The following PPP2R2C variants were observed in gnomAD, a reference collection of about 807,000 sequenced individuals.
PPP2R2C encodes protein phosphatase 2 regulatory subunit Bgamma.
A neutral mutation model predicts 45.3 loss-of-function variants in PPP2R2C; 10 were observed. The observed-to-expected ratio is 0.22, with a 90% CI of 0.14 to 0.37. The LOEUF (loss-of-function observed/expected upper bound fraction) is 0.37. PPP2R2C is among the 10% of genes least tolerant of loss of function. PPP2R2C has a pLI of 1.00. For missense variants in PPP2R2C, 308 were observed against 619.7 expected (o/e 0.50, Z 5.34); for synonymous variants, 257 against 245.4 (o/e 1.05, Z -0.44).
rs776848321 is a variant in PPP2R2C, at chr4:6,472,277, A to C, written c.-48T>G. ...GGGCATGCCCCGCCGCCACACACCG[A>C]TGCAATCCGCAGAGGTCGCGCCGGG... On this transcript the variant is annotated 5_prime_UTR_variant, in exon 1 of 9. Transcript: ENST00000382599. 1 of 1,609,568 alleles carries C rather than the reference A, an allele frequency of 6.2e-7. No individual in the cohort carries two copies. Among genetic ancestry groups the C allele is most frequent in the Non-Finnish European group, 8.5e-7 (1 of 1,177,856 alleles).
intron 1 of PPP2R2C, among the ~76,000 whole-genome samples, chr4:6,455,827 G>GC (rs1720995216): frequency 6.6e-6 from 1 of 151,916 alleles, no homozygotes; most frequent in East Asian, 1.9e-4. Context: ...CATGAATGTC[G>GC]CCCCCTCCCC....
At chr4:6,491,746 C>T (rs930568540) in intron 2 of PPP2R2C, among the ~76,000 whole-genome samples, 3 of 152,144 alleles carry the variant, frequency 2.0e-5, no homozygotes, top group African/African-American at 7.2e-5. Flanking sequence ...TAGAGGCATA[C>T]GGCACTTCCC....
intron 5 of PPP2R2C, chr4:6,350,660 G>T (rs1479920093): frequency 2.2e-5 from 19 of 850,074 alleles, no homozygotes; most frequent in Non-Finnish European, 2.5e-5. Flanking sequence ...GAACATTCCA[G>T]GTTCTCTCCC....
intron 1 of PPP2R2C, among the ~76,000 whole-genome samples, chr4:6,434,824 T>C (rs1719818713): frequency 6.6e-6 from 1 of 152,222 alleles, no homozygotes; most frequent in Admixed American, 6.5e-5. Context: ...GGAGTTTTCT[T>C]ATTATGAGTG....
At chr4:6,445,071 C>A (rs1012431623) in intron 1 of PPP2R2C, among the ~76,000 whole-genome samples, 5 of 152,132 alleles carry the variant, frequency 3.3e-5, no homozygotes, top group African/African-American at 1.2e-4. Context: ...TGCCTGTAGT[C>A]CCAGCTACTC....
chr4:6,344,144 A>G (rs147731174), intron 6 of PPP2R2C, among the ~76,000 whole-genome samples: 94 of 152,336 alleles, frequency 6.2e-4, no homozygotes, highest in African/African-American at 2.1e-3. Flanking sequence ...GTGGCCTGGA[A>G]GACACCATGT....
intron 1 of PPP2R2C, among the ~76,000 whole-genome samples, chr4:6,394,991 C>T (rs1452313338): frequency 6.6e-6 from 1 of 152,210 alleles, no homozygotes; most frequent in Non-Finnish European, 1.5e-5. Context: ...CCAGCAGCCC[C>T]CCTCCGCCCA....
chr4:6,392,789 A>G (rs1253778283), intron 1 of PPP2R2C, among the ~76,000 whole-genome samples: 1 of 152,222 alleles, frequency 6.6e-6, no homozygotes, highest in East Asian at 1.9e-4. Flanking sequence ...CTGTCTTTCT[A>G]GCATGGACGA....
chr4:6,458,052 A>G (rs567647617), intron 1 of PPP2R2C, among the ~76,000 whole-genome samples: 1 of 152,244 alleles, frequency 6.6e-6, no homozygotes, highest in African/African-American at 2.4e-5. Context: ...CTGGCTGCAT[A>G]TAAGAGCTTC....
At position 6,364,604 on chromosome 4, in the gene PPP2R2C, G is replaced by C. The variant is rs1209873353; in HGVS notation, c.625+7919C>G. Among the ~76,000 whole-genome samples the C allele has an allele frequency of 6.6e-6, 1 of 152,136 alleles. No individual in the cohort carries two copies. Among genetic ancestry groups the C allele is most frequent in the Non-Finnish European group, 1.5e-5 (1 of 68,024 alleles). ...CAGGCACTGCCCTAAAGGCTTCCCA[G>C]ATGTCATCGTAGCACCCAGTCCTCA... On this transcript the variant is annotated intron_variant, in intron 5 of 8. Transcript: ENST00000382599. This position sits in a 1 kb window ranked among gnomAD's most constrained non-coding sequence, Gnocchi z 5.3.
rs139620061 is a variant in PPP2R2C, at chr4:6,443,772, C to T, written c.70+28388G>A. On this transcript the variant is annotated intron_variant, in intron 1 of 8. Coordinates refer to ENST00000382599, the MANE Select transcript of PPP2R2C (RefSeq NM_020416.4). ...TCAGCAAATGTATTCCCTCCCCACC[C>T]CACCGCCCCCCCGGAGTCCTTGCAG... 2.9e-3 allele frequency among the ~76,000 whole-genome samples: 444 copies of T among 152,238 alleles called. 3 individuals are homozygous for T. The highest frequency in any genetic ancestry group is 9.8e-3 in the African/African-American group (406 of 41,540).
intron 1 of PPP2R2C, among the ~76,000 whole-genome samples, chr4:6,451,077 G>C (rs1720710749): frequency 6.6e-6 from 1 of 152,192 alleles, no homozygotes; most frequent in Non-Finnish European, 1.5e-5. Flanking sequence ...CACCCAAGCT[G>C]GTCAGGCGAT....
At chr4:6,376,451 CT>C (rs58446685) in intron 3 of PPP2R2C, among the ~76,000 whole-genome samples, 14,763 of 143,790 alleles carry the variant, frequency 0.1, 1,228 homozygotes, top group East Asian at 0.28. Context: ...AGTGACATGT[CT>C]TTTTTTTTTT....
At chr4:6,375,563 AT>A (rs2109302696) in intron 4 of PPP2R2C, among the ~76,000 whole-genome samples, 1 of 152,336 alleles carries the variant, frequency 6.6e-6, no homozygotes, top group African/African-American at 2.4e-5. Context: ...ACCCTCAGCT[AT>A]AGGTGAAAAG....
At chr4:6,413,983 C>T in intron 1 of PPP2R2C, 3 of 1,535,630 alleles carry the variant, frequency 2.0e-6, no homozygotes, top group Non-Finnish European at 2.6e-6. Flanking sequence ...CAGTTGGCTA[C>T]TGCCATGTTG....
Position 6,386,690 on chromosome 4 carries a change from T to C in PPP2R2C, c.71-5596A>G, listed in dbSNP as rs114484920. Among the ~76,000 whole-genome samples, 1,230 of 152,288 alleles carry C rather than the reference T, an allele frequency of 8.1e-3. 13 individuals carry two copies. Among genetic ancestry groups the C allele is most frequent in the Middle Eastern group, 0.048 (14 of 294 alleles). On this transcript the variant is annotated intron_variant, in intron 1 of 8. Coordinates refer to ENST00000382599, the MANE Select transcript of PPP2R2C (RefSeq NM_020416.4). ...CAACACCCAGGATATCATCCAAAAT[T>C]ATATGAAGATATACAAAGAAATAGG...
intron 5 of PPP2R2C, among the ~76,000 whole-genome samples, chr4:6,351,719 C>T (rs538712064): frequency 7.4e-4 from 113 of 152,306 alleles, no homozygotes; most frequent in African/African-American, 2.5e-3. Flanking sequence ...AGGGTCCCCA[C>T]GGTAAGATCT....
chr4:6,459,049 A>G (rs1187366861), intron 1 of PPP2R2C, among the ~76,000 whole-genome samples: 1 of 152,180 alleles, frequency 6.6e-6, no homozygotes, highest in Non-Finnish European at 1.5e-5. Flanking sequence ...TCTTCCAGTT[A>G]CCCACTGCTG....
intron 2 of PPP2R2C, among the ~76,000 whole-genome samples, chr4:6,518,915 T>A (rs1373718824): frequency 1.1e-5 from 1 of 91,374 alleles, no homozygotes; most frequent in Non-Finnish European, 1.9e-5. Context: ...AGAGCAAGAC[T>A]CTGTCTTAAA....
Sources: gnomAD v4.1 joint callset for allele counts (sites outside exome capture counted in the v4.1 genomes callset) on GRCh38, gnomAD v4.1.1 for gene constraint, Gnocchi (gnomAD v3.1) non-coding constraint, MANE v1.5 for transcripts, NCBI Gene and HGNC (gene_info 2026-07-23, HGNC 2026-07-21) for gene names.